Variants in SNTG1 observed in about 807,000 individuals in gnomAD.
SNTG1 encodes the protein gamma-1-syntrophin.
In SNTG1, 39 loss-of-function variants were observed where a neutral mutation model predicts 74.7. That is an observed-to-expected ratio of 0.52 (90% CI 0.40 to 0.68). The LOEUF (loss-of-function observed/expected upper bound fraction) is 0.68, where lower values mean the gene tolerates loss of function less well. Ranked by LOEUF, SNTG1 falls within the 30% of genes least tolerant of loss-of-function variation. The probability of loss-of-function intolerance (pLI) is 0.00; values close to 1 mark genes in which losing one functional copy is unlikely to be tolerated. For missense variants in SNTG1, 685 were observed against 609.5 expected, an observed-to-expected ratio of 1.12 and a Z score of -1.30; for synonymous variants, 254 against 217.1, an observed-to-expected ratio of 1.17 and a Z score of -1.49.
chr8:50,271,141 A>G (rs192949815), intron 2 of SNTG1, among the ~76,000 whole-genome samples: 1 of 152,314 alleles, frequency 6.6e-6, no homozygotes, highest in East Asian at 1.9e-4. Context: ...AACGTGATTA[A>G]GGGAGAAGAT....
intron 11 of SNTG1, among the ~76,000 whole-genome samples, chr8:50,548,370 A>C (rs1392498454): frequency 6.6e-6 from 1 of 152,178 alleles, no homozygotes; most frequent in African/African-American, 2.4e-5. Context: ...AAAAATAATA[A>C]GGTAATTTGG....
intron 2 of SNTG1, among the ~76,000 whole-genome samples, chr8:50,282,158 T>C (rs1370261576): frequency 6.6e-6 from 1 of 152,010 alleles, no homozygotes; most frequent in Non-Finnish European, 1.5e-5. Context: ...CCAGCTCCCC[T>C]CTGGCCAGAG....
At chr8:50,330,688 C>T (rs2090928669) in intron 2 of SNTG1, among the ~76,000 whole-genome samples, 1 of 152,148 alleles carries the variant, frequency 6.6e-6, no homozygotes, top group Non-Finnish European at 1.5e-5. Flanking sequence ...TTCATTGACT[C>T]ACAGTTCCAC....
chr8:50,291,021 G>T (rs1369896665), intron 2 of SNTG1, among the ~76,000 whole-genome samples: 1 of 152,078 alleles, frequency 6.6e-6, no homozygotes, highest in East Asian at 1.9e-4. Context: ...CTCCCAAAGT[G>T]CTGGGACTGC....
intron 1 of SNTG1, among the ~76,000 whole-genome samples, chr8:50,135,896 C>T (rs2081458225): frequency 1.3e-5 from 2 of 152,154 alleles, no homozygotes; most frequent in Non-Finnish European, 2.9e-5. Flanking sequence ...GATCCTCACC[C>T]TCCTTCCAAC....
intron 1 of SNTG1, among the ~76,000 whole-genome samples, chr8:50,047,214 CTG>C (rs1819166560): frequency 6.6e-6 from 1 of 151,892 alleles, no homozygotes; most frequent in Admixed American, 6.6e-5. Flanking sequence ...TGGTGCATGC[CTG>C]TGGTCTCAGC....
chr8:50,376,756 T>TATATAGAGAGAGAGAGAGAGAG (rs1381048539), intron 2 of SNTG1, among the ~76,000 whole-genome samples: 7 of 89,988 alleles, frequency 7.8e-5, no homozygotes, highest in South Asian at 4.2e-4. Flanking sequence ...TATATATATA[T>TATATAGAGAGAGAGAGAGAGAG]AGAGAGAGAG....
intron 1 of SNTG1, among the ~76,000 whole-genome samples, chr8:50,012,488 T>G (rs949121012): frequency 2.6e-5 from 4 of 152,206 alleles, no homozygotes; most frequent in Non-Finnish European, 2.9e-5. Context: ...AGGTTAGATA[T>G]TGGCTGTAAT....
At chr8:50,740,311 G>A (rs1317292754) in intron 17 of SNTG1, among the ~76,000 whole-genome samples, 1 of 147,680 alleles carries the variant, frequency 6.8e-6, no homozygotes. Context: ...GTGGGCAAAG[G>A]ATATGAACCA....
intron 1 of SNTG1, among the ~76,000 whole-genome samples, chr8:50,059,556 G>A (rs1024193167): frequency 6.6e-6 from 1 of 151,980 alleles, no homozygotes; most frequent in African/African-American, 2.4e-5. Flanking sequence ...TCCTATAGAT[G>A]TGCCTATTGT....
Position 50,796,254 on chromosome 8 carries a change from T to C in SNTG1, c.*3425T>C, listed in dbSNP as rs1396847351. ...GCACAAGGATGATCTTGTGCTTAAC[T>C]TTTTAAGGTAAGTGTAGATGTTCGG... On this transcript the variant is annotated 3_prime_UTR_variant, in exon 19 of 19. Coordinates refer to ENST00000642720, the MANE Select transcript of SNTG1 (RefSeq NM_018967.5). 5.3e-5 allele frequency: 8 copies of C among 152,066 alleles called. No homozygotes were observed. The highest frequency in any genetic ancestry group is 5.2e-4 in the Admixed American group (8 of 15,250). 9.4% of individuals were successfully genotyped at this position (152,066 alleles called of 1,614,324 possible).
intron 13 of SNTG1, among the ~76,000 whole-genome samples, chr8:50,622,288 G>A (rs932197227): frequency 1.1e-4 from 17 of 152,176 alleles, no homozygotes; most frequent in African/African-American, 4.1e-4. Flanking sequence ...AACACTTGCT[G>A]AATGTAAGAA....
At chr8:50,449,438 T>A (rs900221970) in intron 5 of SNTG1, among the ~76,000 whole-genome samples, 1 of 152,228 alleles carries the variant, frequency 6.6e-6, no homozygotes, top group Non-Finnish European at 1.5e-5. Context: ...TATTTGTTGA[T>A]AAATGAAAAC....
chr8:50,730,261 G>T (rs1257691604), intron 17 of SNTG1, among the ~76,000 whole-genome samples: 1 of 152,022 alleles, frequency 6.6e-6, no homozygotes, highest in African/African-American at 2.4e-5. Flanking sequence ...AAGTGGAGGG[G>T]GCTATGCCAC....
At chr8:50,207,262 C>T (rs2084290394) in intron 2 of SNTG1, among the ~76,000 whole-genome samples, 1 of 152,124 alleles carries the variant, frequency 6.6e-6, no homozygotes, top group Non-Finnish European at 1.5e-5. Context: ...TTGGTCTATT[C>T]ATGGATTCAA....
intron 12 of SNTG1, among the ~76,000 whole-genome samples, chr8:50,589,192 A>G (rs952498405): frequency 2.6e-5 from 4 of 152,198 alleles, no homozygotes; most frequent in African/African-American, 9.7e-5. Flanking sequence ...AAGGATAGAG[A>G]TGGTAACATT....
chr8:50,445,432 G>T (rs1264079284), intron 5 of SNTG1, among the ~76,000 whole-genome samples: 2 of 152,122 alleles, frequency 1.3e-5, no homozygotes, highest in Admixed American at 6.5e-5. Context: ...GAACTGAAAA[G>T]ATTACTTGGC....
At chr8:50,330,630 T>C (rs2130873699) in intron 2 of SNTG1, among the ~76,000 whole-genome samples, 1 of 152,248 alleles carries the variant, frequency 6.6e-6, no homozygotes, top group East Asian at 1.9e-4. Flanking sequence ...GTTTTCACAG[T>C]GCTATAAAGA....
chr8:50,639,389 A>G (rs779481954), intron 13 of SNTG1, among the ~76,000 whole-genome samples: 4 of 152,006 alleles, frequency 2.6e-5, no homozygotes, highest in Non-Finnish European at 5.9e-5. Flanking sequence ...TTTCTGAAAT[A>G]TTTATGGGTG....
Sources: gnomAD v4.1 joint callset for allele counts (sites outside exome capture counted in the v4.1 genomes callset) on GRCh38, gnomAD v4.1.1 for gene constraint, MANE v1.5 for transcripts, NCBI Gene and HGNC (gene_info 2026-07-23, HGNC 2026-07-21) for gene names.